Variants in ZNF277 observed in about 807,000 individuals in gnomAD.
ZNF277 encodes nuclear receptor-interacting factor 4.
Under a neutral mutation model 60.7 loss-of-function variants are expected in ZNF277, and 55 were observed. The observed-to-expected ratio is 0.91, with a 90% confidence interval of 0.73 to 1.13. The LOEUF (loss-of-function observed/expected upper bound fraction) is 1.13. Ranked by LOEUF, ZNF277 falls within the 50% of genes most tolerant of loss-of-function variation. The pLI is 0.00. For missense variants in ZNF277, 510 were observed against 523.0 expected, an observed-to-expected ratio of 0.98 and a Z score of 0.24; for synonymous variants, 178 against 179.3, an observed-to-expected ratio of 0.99 and a Z score of 0.06.
intron 1 of ZNF277, among the ~76,000 whole-genome samples, chr7:112,220,361 A>C (rs1393321275): frequency 6.6e-6 from 1 of 150,436 alleles, no homozygotes; most frequent in Admixed American, 6.6e-5. Context: ...AATGCTGATG[A>C]TTTTTGCCTG....
chr7:112,331,491 T>A (rs191675650), intron 7 of ZNF277, among the ~76,000 whole-genome samples: 1 of 152,282 alleles, frequency 6.6e-6, no homozygotes, highest in East Asian at 1.9e-4. Flanking sequence ...TAATCAGCCA[T>A]TTTATCTATT....
rs142208106 is a variant in ZNF277, at chr7:112,296,260, C to T, written c.414C>T (p.Asp138=). The T allele has an allele frequency of 2.8e-4, 452 of 1,588,048 alleles. 2 individuals carry two copies. Among genetic ancestry groups the T allele is most frequent in the Middle Eastern group, 2.8e-3 (17 of 5,990 alleles). The stretch of plus-strand genomic sequence containing the variant: ...AAGAGAATTATTTTTTGTTATGTGA[C>T]GTTTTACCAGAAGATAGAATTCTTA... The part of the protein sequence containing the change: ...EEQENYFLLC[D]VLPEDRILRE... The change falls in exon 4 of 12, where the codon GAC becomes GAT. Residue 138 remains aspartate, a synonymous_variant. Transcript: ENST00000361822.
At chr7:112,314,729 G>A (rs1336781358) in intron 4 of ZNF277, among the ~76,000 whole-genome samples, 2 of 152,122 alleles carry the variant, frequency 1.3e-5, no homozygotes, top group African/African-American at 4.8e-5. Flanking sequence ...CCACGAAGTC[G>A]AGGCTGCAGT....
intron 1 of ZNF277, among the ~76,000 whole-genome samples, chr7:112,225,051 T>C (rs1201746638): frequency 1.3e-5 from 2 of 152,186 alleles, no homozygotes; most frequent in African/African-American, 4.8e-5. Flanking sequence ...CAAGAAGTGA[T>C]AGAATCAGGG....
intron 1 of ZNF277, among the ~76,000 whole-genome samples, chr7:112,230,014 C>T (rs1822280379): frequency 6.9e-6 from 1 of 144,864 alleles, no homozygotes; most frequent in Admixed American, 6.7e-5. Flanking sequence ...GAGAAGGGAG[C>T]AAGGACTGCA....
chr7:112,216,370 C>A (rs1821881231), intron 1 of ZNF277, among the ~76,000 whole-genome samples: 1 of 152,130 alleles, frequency 6.6e-6, no homozygotes, highest in Non-Finnish European at 1.5e-5. Flanking sequence ...AGTGCAGTGG[C>A]ATGATCTCAG....
intron 1 of ZNF277, among the ~76,000 whole-genome samples, chr7:112,208,459 G>C (rs1181111773): frequency 6.6e-6 from 1 of 151,820 alleles, no homozygotes. Context: ...AAGTTTAAAA[G>C]TTTTTAAAAG....
intron 7 of ZNF277, among the ~76,000 whole-genome samples, chr7:112,334,765 A>C (rs1793298192): frequency 6.6e-6 from 1 of 152,214 alleles, no homozygotes; most frequent in African/African-American, 2.4e-5. Flanking sequence ...TACTTTAGTA[A>C]TACCTTGCAG....
chr7:112,327,687 A>G (rs371639550), intron 5 of ZNF277, 30 bp from the exon 6 acceptor site: 127 of 1,555,508 alleles, frequency 8.2e-5, no homozygotes, highest in Non-Finnish European at 1.0e-4. Context: ...TGATTTGTGA[A>G]TAATCCTAAT....
At chr7:112,295,588 C>G (rs1584386822) in intron 2 of ZNF277, among the ~76,000 whole-genome samples, 1 of 151,948 alleles carries the variant, frequency 6.6e-6, no homozygotes, top group Non-Finnish European at 1.5e-5. Flanking sequence ...AAAAATAATT[C>G]ATTTTAACTT....
At chr7:112,297,187 A>G (rs1792376099) in intron 4 of ZNF277, among the ~76,000 whole-genome samples, 1 of 151,956 alleles carries the variant, frequency 6.6e-6, no homozygotes, top group African/African-American at 2.4e-5. Flanking sequence ...TCAGTCTCCC[A>G]AAGTGCTGAG....
In ZNF277 at chr7:112,310,934, C is replaced by T. The variant is rs1792717315; in HGVS notation, c.466-7248C>T. Among the ~76,000 whole-genome samples the T allele has an allele frequency of 6.6e-5, 10 of 152,166 alleles. No individual in the cohort carries two copies. In the South Asian group the frequency reaches 2.1e-3, roughly 32 times the overall value. The stretch of plus-strand genomic sequence containing the variant: ...TGTAAATCTATTACTTGTCAGTATC[C>T]ATAAAATGTTTTTGATAGCCATAGC... On this transcript the variant is annotated intron_variant, in intron 4 of 11. Coordinates refer to ENST00000361822, the MANE Select transcript of ZNF277 (RefSeq NM_021994.3).
chr7:112,302,700 C>T (rs981247704), intron 4 of ZNF277, among the ~76,000 whole-genome samples: 2 of 151,968 alleles, frequency 1.3e-5, no homozygotes, highest in Non-Finnish European at 2.9e-5. Flanking sequence ...TCAACAAGGA[C>T]TTAAAATTTA....
chr7:112,322,561 A>T (rs1158402342), intron 5 of ZNF277, among the ~76,000 whole-genome samples: 1 of 152,116 alleles, frequency 6.6e-6, no homozygotes, highest in African/African-American at 2.4e-5. Context: ...TATGTAAAAT[A>T]CATAATAATT....
chr7:112,270,259 T>C (rs1390489721), intron 1 of ZNF277, among the ~76,000 whole-genome samples: 1 of 152,130 alleles, frequency 6.6e-6, no homozygotes, highest in Non-Finnish European at 1.5e-5. Context: ...CAAATTGAGG[T>C]CAGTTTCATC....
chr7:112,227,984 T>G (rs1311387040), intron 1 of ZNF277, among the ~76,000 whole-genome samples: 1 of 151,808 alleles, frequency 6.6e-6, no homozygotes, highest in African/African-American at 2.4e-5. Flanking sequence ...CAAAAGAAAT[T>G]TATTCGCTCA....
At chr7:112,296,362 A>G in intron 4 of ZNF277, 51 bp downstream of exon 4, 1 of 925,696 alleles carries the variant, frequency 1.1e-6, no homozygotes, top group Non-Finnish European at 1.6e-6. Context: ...ACATATAAAT[A>G]CATATAAAAT....
intron 1 of ZNF277, among the ~76,000 whole-genome samples, chr7:112,208,875 T>A (rs565585883): frequency 3.2e-4 from 48 of 152,012 alleles, no homozygotes; most frequent in African/African-American, 1.0e-3. Context: ...AGAGACGGGG[T>A]TTCACCGTGT....
At chr7:112,313,307 C>T (rs1205156273) in intron 4 of ZNF277, among the ~76,000 whole-genome samples, 1 of 150,028 alleles carries the variant, frequency 6.7e-6, no homozygotes, top group Non-Finnish European at 1.5e-5. Flanking sequence ...TCAGACTGGG[C>T]CTCGCTGTCT....
Sources: gnomAD v4.1 joint callset for allele counts (sites outside exome capture counted in the v4.1 genomes callset) on GRCh38, gnomAD v4.1.1 for gene constraint, MANE v1.5 for transcripts, NCBI Gene and HGNC (gene_info 2026-07-23, HGNC 2026-07-21) for gene names.